ITGAM: variants seen among roughly 807,000 people sequenced by gnomAD.
The protein encoded by ITGAM is integrin subunit alpha M.
Under a neutral mutation model 137.5 loss-of-function variants are expected in ITGAM, and 79 were observed. That is an observed-to-expected ratio of 0.57 (90% confidence interval 0.48 to 0.69). The LOEUF is 0.69. Ranked by LOEUF, ITGAM falls within the 30% of genes least tolerant of loss-of-function variation. ITGAM has a pLI of 0.00. For synonymous variants in ITGAM, 583 were observed against 592.3 expected (o/e 0.98, Z 0.23); for missense variants, 1,343 against 1,483.5 (o/e 0.91, Z 1.56).
chr16:31,299,467 C>T (rs1345305012), intron 14 of ITGAM, among the ~76,000 whole-genome samples: 1 of 152,054 alleles, frequency 6.6e-6, no homozygotes, highest in African/African-American at 2.4e-5. Context: ...CACCACCATG[C>T]CTGGCTAATT....
Position 31,331,698 on chromosome 16 carries a change from A to G in ITGAM, c.3450A>G (p.Glu1150=). 3.1e-6 allele frequency: 5 copies of G among 1,601,764 alleles called. No homozygotes were observed. The highest frequency in any genetic ancestry group is 4.3e-6 in the Non-Finnish European group (5 of 1,175,442). ...GTGAAGGGGGTCCCCCGGGGGCCGA[A>G]CCCCAGTAGCGGCTCCTTCCCGACA... is the stretch of plus-strand genomic sequence containing the variant. ...MMSEGGPPGA[E]PQ Residue 1150 remains glutamate (E), a synonymous_variant, in exon 30 of 30, where the codon GAA becomes GAG. Coordinates refer to ENST00000544665, the MANE Select transcript of ITGAM (RefSeq NM_000632.4).
chr16:31,303,362 T>C (rs1048984038), intron 14 of ITGAM, among the ~76,000 whole-genome samples: 4 of 152,318 alleles, frequency 2.6e-5, no homozygotes, highest in Middle Eastern at 3.4e-3. Context: ...GTAATTTATA[T>C]AGCTTTTCTA....
At chr16:31,273,686 T>A in intron 8 of ITGAM, 168 bp downstream of exon 8, 1 of 616,194 alleles carries the variant, frequency 1.6e-6, no homozygotes, top group Non-Finnish European at 2.7e-6. Flanking sequence ...TGTAATAAAC[T>A]ATCCCAAAAT....
chr16:31,330,190 C>G (rs1308391874), intron 26 of ITGAM, 26 bp downstream of exon 26: 1 of 1,607,118 alleles, frequency 6.2e-7, no homozygotes, highest in Admixed American at 1.7e-5. Flanking sequence ...AGCCCCAGGG[C>G]CACACAGAGA....
intron 12 of ITGAM, among the ~76,000 whole-genome samples, chr16:31,286,679 C>T (rs186744289): frequency 1.3e-3 from 192 of 152,272 alleles, no homozygotes; most frequent in African/African-American, 4.4e-3. Context: ...GTCCTTTACC[C>T]ACTTTTTAAT....
intron 14 of ITGAM, among the ~76,000 whole-genome samples, chr16:31,310,766 G>A (rs1231124820): frequency 2.0e-5 from 3 of 152,144 alleles, no homozygotes; most frequent in African/African-American, 7.2e-5. Flanking sequence ...AGGAGGAGAG[G>A]CGCTCTGATT....
intron 12 of ITGAM, among the ~76,000 whole-genome samples, chr16:31,283,798 G>C (rs1159283865): frequency 6.6e-6 from 1 of 152,210 alleles, no homozygotes; most frequent in Non-Finnish European, 1.5e-5. Context: ...GAGGAGAAGA[G>C]GTGCTCTGAT....
At chr16:31,303,088 C>T (rs2080232255) in intron 14 of ITGAM, among the ~76,000 whole-genome samples, 1 of 151,170 alleles carries the variant, frequency 6.6e-6, no homozygotes, top group Non-Finnish European at 1.5e-5. Context: ...GGCTGGAGTG[C>T]AGTGACGAGA....
intron 16 of ITGAM, among the ~76,000 whole-genome samples, chr16:31,323,129 GT>G (rs1159759844): frequency 1.6e-4 from 24 of 152,054 alleles, no homozygotes; most frequent in African/African-American, 5.1e-4. Context: ...AGATGCAGTA[GT>G]TAAAGAATTT....
At position 31,330,577 on chromosome 16, in the gene ITGAM, C is replaced by T. The variant is rs779963762; in HGVS notation, c.3248C>T (p.Pro1083Leu). The T allele has an allele frequency of 5.6e-6, 9 of 1,612,106 alleles. No individual in the cohort carries two copies. The highest frequency in any genetic ancestry group is 3.3e-5 in the Admixed American group (2 of 59,794). Residue 1083 changes from proline to leucine, a missense_variant, in exon 28 of 30, where the codon CCG becomes CTG. By Grantham distance (98) the Pro-to-Leu change is moderately conservative. Transcript: ENST00000544665. ...AACGATTCCGTGTTCACCCTGCTGCCGGGACAGGGGGCGTTTGTGAGGTCC... is the reference window on the plus strand; with the variant it reads ...AACGATTCCGTGTTCACCCTGCTGCTGGGACAGGGGGCGTTTGTGAGGTCC... ...LFNDSVFTLL[P>L]GQGAFVRSQT...
At chr16:31,265,974 T>C in intron 4 of ITGAM, 56 bp from the exon 5 acceptor site, 1 of 1,592,358 alleles carries the variant, frequency 6.3e-7, no homozygotes, top group Admixed American at 1.7e-5. Context: ...GTGGAGGTGC[T>C]GGGGTACAAG....
At chr16:31,289,271 C>T (rs976795004) in intron 12 of ITGAM, among the ~76,000 whole-genome samples, 8 of 152,240 alleles carry the variant, frequency 5.3e-5, no homozygotes, top group South Asian at 2.1e-4. Flanking sequence ...ACCCAAATGA[C>T]TATAAATCAT....
chr16:31,289,595 A>G (rs1388398801), intron 12 of ITGAM, among the ~76,000 whole-genome samples: 1 of 152,020 alleles, frequency 6.6e-6, no homozygotes, highest in Non-Finnish European at 1.5e-5. Context: ...ATCACACACC[A>G]GGGCCTGTTG....
intron 14 of ITGAM, among the ~76,000 whole-genome samples, chr16:31,313,650 C>G (rs150741318): frequency 0.073 from 11,087 of 152,180 alleles, 1,373 homozygotes; most frequent in African/African-American, 0.25. Context: ...TAGGTTGGTT[C>G]CAAGTCTTTG....
chr16:31,291,151 G>A (rs1460047548), intron 12 of ITGAM, among the ~76,000 whole-genome samples: 1 of 152,112 alleles, frequency 6.6e-6, no homozygotes, highest in African/African-American at 2.4e-5. Context: ...AATTCTCCCT[G>A]GGTTGATCTA....
chr16:31,268,847 T>C (rs563826076), intron 5 of ITGAM, among the ~76,000 whole-genome samples: 1 of 152,302 alleles, frequency 6.6e-6, no homozygotes, highest in Non-Finnish European at 1.5e-5. Flanking sequence ...TTGTCCCATA[T>C]ATCAGTAGGA....
chr16:31,318,443 A>T (rs954006693), intron 14 of ITGAM, among the ~76,000 whole-genome samples: 3 of 150,568 alleles, frequency 2.0e-5, no homozygotes, highest in African/African-American at 7.3e-5. Flanking sequence ...TCCCAGGTTC[A>T]AGTGATTCTC....
chr16:31,326,566 G>A (rs1286692229), intron 21 of ITGAM, among the ~76,000 whole-genome samples: 1 of 151,986 alleles, frequency 6.6e-6, no homozygotes, highest in African/African-American at 2.4e-5. Context: ...ACATGCGCCC[G>A]CCACCACACC....
chr16:31,303,637 C>T (rs868136752), intron 14 of ITGAM, among the ~76,000 whole-genome samples: 3 of 152,074 alleles, frequency 2.0e-5, no homozygotes, highest in Admixed American at 6.6e-5. Context: ...CCTCAAAGTC[C>T]GTTACATCAC....
Sources: gnomAD v4.1 joint callset for allele counts (sites outside exome capture counted in the v4.1 genomes callset) on GRCh38, gnomAD v4.1.1 for gene constraint, MANE v1.5 for transcripts, NCBI Gene and HGNC (gene_info 2026-07-23, HGNC 2026-07-21) for gene names.